The following SGK1 variants were observed in gnomAD, a reference collection of about 807,000 sequenced individuals.
The protein encoded by SGK1 is serum/glucocorticoid regulated kinase 1.
In SGK1, 26 loss-of-function variants were observed where a neutral mutation model predicts 64.2. That is an observed-to-expected ratio of 0.40 (90% CI 0.30 to 0.56). SGK1 has a LOEUF of 0.56. Ranked by LOEUF, SGK1 falls within the 20% of genes least tolerant of loss-of-function variation. The pLI, the probability that SGK1 is intolerant of heterozygous loss-of-function variation, is 0.38. For missense variants in SGK1, 519 were observed against 645.6 expected, an observed-to-expected ratio of 0.80 and a Z score of 2.12; for synonymous variants, 265 against 239.7, an observed-to-expected ratio of 1.11 and a Z score of -0.98.
At chr6:134,273,426 TA>T (rs752788007) in intron 1 of SGK1, among the ~76,000 whole-genome samples, 7 of 145,932 alleles carry the variant, frequency 4.8e-5, no homozygotes, top group South Asian at 2.2e-4. Flanking sequence ...CCGTCTCTAC[TA>T]AAAAAAATAC....
At chr6:134,258,597 T>C (rs1434519638) in intron 2 of SGK1, among the ~76,000 whole-genome samples, 1 of 151,966 alleles carries the variant, frequency 6.6e-6, no homozygotes, top group Non-Finnish European at 1.5e-5. Flanking sequence ...CCCAGCTACT[T>C]AGGAGGCTGA....
At chr6:134,214,385 G>T (rs1016322341) in intron 2 of SGK1, among the ~76,000 whole-genome samples, 1 of 152,166 alleles carries the variant, frequency 6.6e-6, no homozygotes, top group East Asian at 1.9e-4. Context: ...GAGGTCAGGC[G>T]TTCGAGACCA....
At chr6:134,196,221 G>A (rs894126336) in intron 3 of SGK1, among the ~76,000 whole-genome samples, 3 of 152,038 alleles carry the variant, frequency 2.0e-5, no homozygotes, top group African/African-American at 7.2e-5. Context: ...TGAGGCGGGA[G>A]GATCACTTAT....
At chr6:134,230,531 T>C (rs532089217) in intron 2 of SGK1, 9 of 151,956 alleles carry the variant, frequency 5.9e-5, no homozygotes, top group African/African-American at 2.2e-4. Flanking sequence ...TACATAACCA[T>C]CAGCTGTGGT....
intron 2 of SGK1, among the ~76,000 whole-genome samples, chr6:134,225,186 C>T (rs1248781287): frequency 4.6e-5 from 7 of 151,204 alleles, no homozygotes; most frequent in Non-Finnish European, 7.4e-5. Context: ...GCTGTCTCTA[C>T]TAAAGATACA....
chr6:134,184,256 T>C (rs1028225681), intron 3 of SGK1, among the ~76,000 whole-genome samples: 3 of 151,972 alleles, frequency 2.0e-5, no homozygotes. Context: ...ATCAGAACTT[T>C]GGGAGGCTGA....
chr6:134,298,278 G>A lies in SGK1; in HGVS notation c.69+19114C>T, dbSNP rs1777393390. Reference sequence around the variant, plus strand: ...GCCTAAGGTTGTTGAAGTAGCTCTCGAACATGTTGTCCATGTTGCTCCAAG... The same window carrying A: ...GCCTAAGGTTGTTGAAGTAGCTCTCAAACATGTTGTCCATGTTGCTCCAAG... On this transcript the variant is annotated intron_variant, in intron 1 of 13. Transcript: ENST00000367858. 11 of 1,557,516 alleles carry A rather than the reference G, an allele frequency of 7.1e-6. No homozygotes were observed. The East Asian group carries it at 2.0e-4, about 29-fold the overall frequency.
chr6:134,180,346 G>A (rs1043666984), intron 3 of SGK1: 1 of 152,108 alleles, frequency 6.6e-6, no homozygotes, highest in African/African-American at 2.4e-5. Context: ...GTCAATGTCT[G>A]ATTTAGTATA....
intron 1 of SGK1, among the ~76,000 whole-genome samples, chr6:134,316,296 A>G (rs1008068461): frequency 1.3e-5 from 2 of 152,166 alleles, no homozygotes; most frequent in Admixed American, 1.3e-4. Context: ...TCTGCGGATG[A>G]GTTAACTGAA....
chr6:134,204,472 G>GAAA (rs71003675), intron 3 of SGK1, among the ~76,000 whole-genome samples: 2,308 of 114,716 alleles, frequency 0.02, 65 homozygotes, highest in African/African-American at 0.076. Flanking sequence ...TCCATCTCAG[G>GAAA]AAAAAAAAAA....
chr6:134,234,247 C>A (rs1381444057), intron 2 of SGK1, among the ~76,000 whole-genome samples: 2 of 151,700 alleles, frequency 1.3e-5, no homozygotes, highest in Admixed American at 1.3e-4. Flanking sequence ...ACTAAAAATA[C>A]AAAAAATTAG....
chr6:134,252,616 C>CAAAAAAAAA, intron 2 of SGK1, among the ~76,000 whole-genome samples: 1 of 65,994 alleles, frequency 1.5e-5, no homozygotes, highest in Non-Finnish European at 2.5e-5. Context: ...GATTCCACCT[C>CAAAAAAAAA]AAAAAAAAAA....
chr6:134,309,626 C>T (rs1202443003), intron 1 of SGK1, among the ~76,000 whole-genome samples: 1 of 152,148 alleles, frequency 6.6e-6, no homozygotes, highest in East Asian at 1.9e-4. Context: ...CACTGCGTAT[C>T]CCTTCAGTTA....
chr6:134,234,857 C>T (rs1225055853), intron 2 of SGK1, among the ~76,000 whole-genome samples: 3 of 152,164 alleles, frequency 2.0e-5, no homozygotes, highest in African/African-American at 7.2e-5. Flanking sequence ...TTCTGGGCAA[C>T]AAGAGTGAAA....
chr6:134,202,571 C>T (rs1019446312), intron 3 of SGK1, among the ~76,000 whole-genome samples: 1 of 151,924 alleles, frequency 6.6e-6, no homozygotes, highest in East Asian at 1.9e-4. Flanking sequence ...TTGCTTATAC[C>T]CGGGAGGTGG....
chr6:134,180,586 G>A (rs988377377), intron 3 of SGK1, among the ~76,000 whole-genome samples: 1 of 152,016 alleles, frequency 6.6e-6, no homozygotes, highest in Non-Finnish European at 1.5e-5. Flanking sequence ...CAAGAGGACT[G>A]TGGTGGCCAG....
In SGK1 at chr6:134,173,449, G is replaced by C; in HGVS notation, c.618+13C>G. ...AAGGAAGTGTACCAAAAGATCTTCA[G>C]ATTTGAAATTACCTTTCCAAAACTG... On this transcript the variant is annotated intron_variant, in intron 6 of 13. Coordinates refer to ENST00000367858, the MANE Select transcript of SGK1 (RefSeq NM_001143676.3). The C allele has an allele frequency of 1.3e-6, 2 of 1,598,256 alleles. No homozygotes were observed. Among genetic ancestry groups the C allele is most frequent in the African/African-American group, 1.3e-5 (1 of 74,424 alleles).
intron 2 of SGK1, among the ~76,000 whole-genome samples, chr6:134,235,641 G>A (rs112086034): frequency 7.9e-5 from 12 of 151,424 alleles, no homozygotes; most frequent in Admixed American, 7.2e-4. Context: ...GCACGAGCTC[G>A]GCTCACTGCA....
chr6:134,210,428 T>G (rs1402717661), intron 2 of SGK1, among the ~76,000 whole-genome samples: 1 of 152,028 alleles, frequency 6.6e-6, no homozygotes, highest in African/African-American at 2.4e-5. Context: ...AATGCTTGAG[T>G]TGCTATTCAA....
Sources: gnomAD v4.1 joint callset for allele counts (sites outside exome capture counted in the v4.1 genomes callset) on GRCh38, gnomAD v4.1.1 for gene constraint, MANE v1.5 for transcripts, NCBI Gene and HGNC (gene_info 2026-07-23, HGNC 2026-07-21) for gene names.